The following FAM227B variants were observed in gnomAD, a reference collection of about 807,000 sequenced individuals.
FAM227B encodes protein FAM227B.
In FAM227B, 88 loss-of-function variants were observed where a neutral mutation model predicts 73.8. That is an observed-to-expected ratio of 1.19 (90% CI 1.00 to 1.42). The LOEUF is 1.42. Ranked by LOEUF, FAM227B falls within the 40% of genes most tolerant of loss-of-function variation. The pLI is 0.00. For missense variants in FAM227B, 632 were observed against 590.9 expected (o/e 1.07, Z -0.72); for synonymous variants, 210 against 190.5 (o/e 1.10, Z -0.84).
At chr15:49,595,396 G>A (rs1049527037) in intron 3 of FAM227B, among the ~76,000 whole-genome samples, 8 of 151,896 alleles carry the variant, frequency 5.3e-5, no homozygotes, top group Non-Finnish European at 8.8e-5. Flanking sequence ...AGTGAACAGT[G>A]ACAGTTTGAC....
chr15:49,618,937 A>C (rs2078471245), intron 1 of FAM227B, among the ~76,000 whole-genome samples: 1 of 152,222 alleles, frequency 6.6e-6, no homozygotes, highest in African/African-American at 2.4e-5. Flanking sequence ...TACATTTCTC[A>C]GGATCCCCGG....
At chr15:49,618,948 C>A (rs940167790) in intron 1 of FAM227B, among the ~76,000 whole-genome samples, 1 of 152,140 alleles carries the variant, frequency 6.6e-6, no homozygotes, top group African/African-American at 2.4e-5. Flanking sequence ...GGATCCCCGG[C>A]AGTTAAAGTG....
chr15:49,542,613 C>G (rs1223797336), intron 9 of FAM227B, among the ~76,000 whole-genome samples: 1 of 151,700 alleles, frequency 6.6e-6, no homozygotes, highest in African/African-American at 2.4e-5. Flanking sequence ...TCTTGAGTTA[C>G]TCCACTTAGA....
intron 9 of FAM227B, among the ~76,000 whole-genome samples, chr15:49,564,954 C>A (rs1179778958): frequency 4.6e-5 from 7 of 152,006 alleles, no homozygotes; most frequent in Admixed American, 4.6e-4. Flanking sequence ...CACGTGCACT[C>A]CCTGAACCTA....
intron 11 of FAM227B, among the ~76,000 whole-genome samples, chr15:49,465,432 G>A (rs1460481754): frequency 6.6e-6 from 1 of 151,682 alleles, no homozygotes; most frequent in East Asian, 1.9e-4. Context: ...CACCATGCCC[G>A]GCCTACTTCT....
chr15:49,502,583 C>T (rs1219453632), intron 11 of FAM227B, among the ~76,000 whole-genome samples: 1 of 152,184 alleles, frequency 6.6e-6, no homozygotes, highest in Non-Finnish European at 1.5e-5. Flanking sequence ...AAGTAAGTAA[C>T]TTGTTTTTGA....
rs537832098 is a variant in FAM227B at position 49,524,553 on chromosome 15, C to T, written c.875-16205G>A. Among the ~76,000 whole-genome samples the T allele has an allele frequency of 8.8e-4, 133 of 151,942 alleles. 5 individuals carry two copies. In the South Asian group the frequency reaches 0.026, roughly 30 times the overall value. On this transcript the variant is annotated intron_variant, in intron 10 of 15. Coordinates refer to ENST00000299338, the MANE Select transcript of FAM227B (RefSeq NM_152647.3). ...GGAAAATGTGGGGTCAGAGCCCCCA[C>T]AGAGTCCCTATTGGGGCACTGCCTA...
chr15:49,463,550 C>CA (rs34545202), intron 11 of FAM227B, among the ~76,000 whole-genome samples: 13,964 of 125,772 alleles, frequency 0.11, 795 homozygotes, highest in Middle Eastern at 0.12. Flanking sequence ...GATTCCGTCT[C>CA]AAAAAAAAAA....
At chr15:49,403,148 A>G (rs937443666) in intron 11 of FAM227B, among the ~76,000 whole-genome samples, 15 of 152,156 alleles carry the variant, frequency 9.9e-5, no homozygotes, top group Admixed American at 1.3e-4. Flanking sequence ...CATGGTGGAT[A>G]AGCTTTTGGA....
At chr15:49,466,718 G>A (rs2054297597) in intron 11 of FAM227B, among the ~76,000 whole-genome samples, 1 of 152,080 alleles carries the variant, frequency 6.6e-6, no homozygotes, top group Non-Finnish European at 1.5e-5. Context: ...AGAAGAGAAC[G>A]GCTGGATATA....
chr15:49,501,860 A>C (rs779081199), intron 11 of FAM227B, among the ~76,000 whole-genome samples: 2 of 152,200 alleles, frequency 1.3e-5, no homozygotes, highest in African/African-American at 2.4e-5. Context: ...AGGCCCAGGG[A>C]CCTGCTGTCC....
intron 11 of FAM227B, among the ~76,000 whole-genome samples, chr15:49,388,866 G>T (rs1466933903): frequency 1.3e-5 from 2 of 151,834 alleles, no homozygotes; most frequent in Non-Finnish European, 2.9e-5. Flanking sequence ...TATACAAATG[G>T]TCAATAAATA....
intron 11 of FAM227B, among the ~76,000 whole-genome samples, chr15:49,372,756 A>C (rs1423147979): frequency 6.6e-6 from 1 of 152,204 alleles, no homozygotes; most frequent in Admixed American, 6.5e-5. Context: ...AGACTCTGGC[A>C]CTGATTATCA....
At position 49,456,604 on chromosome 15, in the gene FAM227B, A is replaced by C. The variant is rs143077909; in HGVS notation, c.1012+51607T>G. 2.0e-3 allele frequency among the ~76,000 whole-genome samples: 304 copies of C among 152,256 alleles called. 2 individuals carry two copies. Among genetic ancestry groups the C allele is most frequent in the African/African-American group, 6.9e-3 (288 of 41,586 alleles). On this transcript the variant is annotated intron_variant, in intron 11 of 15. Coordinates refer to ENST00000299338, the MANE Select transcript of FAM227B (RefSeq NM_152647.3). Reference sequence around the variant, plus strand: ...TTTGCCTTTCTCTTCTCAAGGAATAAATGTTTGAGAAGGAGAGATAACTAA... The same window carrying C: ...TTTGCCTTTCTCTTCTCAAGGAATACATGTTTGAGAAGGAGAGATAACTAA...
chr15:49,371,298 A>G lies in FAM227B; in HGVS notation c.1110+4T>C. The G allele has an allele frequency of 6.4e-7, 1 of 1,552,072 alleles. No individual in the cohort carries two copies. The highest frequency in any genetic ancestry group is 1.7e-5 in the Admixed American group (1 of 58,376). On this transcript the variant is annotated splice_donor_region_variant and intron_variant, in intron 12 of 15. Transcript: ENST00000299338. ...AATTTTTTCATAATTATTATACTCC[A>G]AACCTTTGTTGCTAGTCTTGATAAT...
chr15:49,607,026 G>T (rs2077565555), intron 3 of FAM227B, among the ~76,000 whole-genome samples: 2 of 152,192 alleles, frequency 1.3e-5, no homozygotes, highest in Admixed American at 1.3e-4. Context: ...AATGGAGTTT[G>T]GGTAAAATAC....
intron 11 of FAM227B, among the ~76,000 whole-genome samples, chr15:49,412,030 G>A (rs562363795): frequency 3.1e-4 from 47 of 152,038 alleles, no homozygotes; most frequent in African/African-American, 1.1e-3. Context: ...TACACATACA[G>A]TACTTGGCAT....
Position 49,495,183 on chromosome 15 carries a change from C to G in FAM227B, c.1012+13028G>C, listed in dbSNP as rs559063396. The stretch of plus-strand genomic sequence containing the variant: ...GCTACCAACCAACAGACCAATATAT[C>G]TGGGGGAGGTATTTGCAGGCGATCT... On this transcript the variant is annotated intron_variant, in intron 11 of 15. Coordinates refer to ENST00000299338, the MANE Select transcript of FAM227B (RefSeq NM_152647.3). Among the ~76,000 whole-genome samples the G allele has an allele frequency of 1.6e-3, 243 of 152,190 alleles. 2 individuals carry two copies. The highest frequency in any genetic ancestry group is 2.0e-3 in the Non-Finnish European group (135 of 68,006).
At chr15:49,458,190 G>A (rs561653898) in intron 11 of FAM227B, among the ~76,000 whole-genome samples, 18 of 151,954 alleles carry the variant, frequency 1.2e-4, no homozygotes, top group Admixed American at 3.3e-4. Flanking sequence ...CTTAGAGCAG[G>A]AATTTTGAAG....
Sources: gnomAD v4.1 joint callset for allele counts (sites outside exome capture counted in the v4.1 genomes callset) on GRCh38, gnomAD v4.1.1 for gene constraint, MANE v1.5 for transcripts, NCBI Gene and HGNC (gene_info 2026-07-23, HGNC 2026-07-21) for gene names.